CCNJL: variants seen among roughly 807,000 people sequenced by gnomAD.
CCNJL encodes the protein cyclin-J-like protein.
In CCNJL, 33 loss-of-function variants were observed where a neutral mutation model predicts 33.4. The ratio of observed to expected loss-of-function variants is 0.99; its 90% CI spans 0.75 to 1.32. The LOEUF (loss-of-function observed/expected upper bound fraction) is 1.32, where lower values mean the gene tolerates loss of function less well. CCNJL is among the 40% of genes most tolerant of loss of function. The pLI, the probability that CCNJL is intolerant of heterozygous loss-of-function variation, is 0.00. For missense variants in CCNJL, 512 were observed against 499.7 expected (o/e 1.02, Z -0.23); for synonymous variants, 227 against 220.9 (o/e 1.03, Z -0.24).
rs1255295342 is a variant in CCNJL at position 160,250,340 on chromosome 5, A to C, written c.*3038T>G. 6.6e-6 allele frequency: 1 copy of C among 152,232 alleles called. No individual in the cohort carries two copies. The highest frequency in any genetic ancestry group is 1.5e-5 in the Non-Finnish European group (1 of 68,062). 9.4% of individuals were successfully genotyped at this position (152,232 alleles called of 1,614,324 possible). A position where few individuals can be genotyped will look rare whatever the true frequency, so the allele number is the denominator to read the frequency against. On this transcript the variant is annotated 3_prime_UTR_variant, in exon 6 of 6. Transcript: ENST00000257536. ...TTGTCTCTGAATCCCCAAAACTTAG[A>C]GCTTCCTGCCTCACCTAGCCTTGCA...
rs531989803 is a variant in CCNJL, at chr5:160,324,508, A to G, written n.207-9003T>C. 2.0e-5 allele frequency among the ~76,000 whole-genome samples: 3 copies of G among 152,214 alleles called. No homozygotes were observed. The South Asian group carries it at 6.2e-4, about 32-fold the overall frequency. On this transcript the variant is annotated intron_variant and non_coding_transcript_variant, in intron 1 of 7. Transcript: ENST00000377503. ...GAATTGCTTGAACCCAGGAGGTGAAAGTTGCAGTGAGCTGAAATCGTGCCA... is the reference window on the plus strand; with the variant it reads ...GAATTGCTTGAACCCAGGAGGTGAAGGTTGCAGTGAGCTGAAATCGTGCCA...
intron 2 of CCNJL, among the ~76,000 whole-genome samples, chr5:160,304,662 T>G (rs915923867): frequency 6.6e-6 from 1 of 152,080 alleles, no homozygotes; most frequent in African/African-American, 2.4e-5. Flanking sequence ...CACTTTCTTT[T>G]TGGTAGATCT....
intron 3 of CCNJL, among the ~76,000 whole-genome samples, chr5:160,262,679 G>GA (rs887447858): frequency 6.6e-6 from 1 of 152,220 alleles, no homozygotes; most frequent in African/African-American, 2.4e-5. Context: ...GAGGCTCAGA[G>GA]AAAAAGCTGA....
At chr5:160,297,077 C>A (rs570397652) in intron 2 of CCNJL, among the ~76,000 whole-genome samples, 34 of 152,138 alleles carry the variant, frequency 2.2e-4, no homozygotes, top group Non-Finnish European at 4.3e-4. Flanking sequence ...ATGGTAAGCA[C>A]CCATTAAAAG....
At chr5:160,286,567 A>G (rs762419840) in intron 2 of CCNJL, among the ~76,000 whole-genome samples, 5 of 152,102 alleles carry the variant, frequency 3.3e-5, no homozygotes, top group Non-Finnish European at 7.4e-5. Flanking sequence ...GAACCCGGGA[A>G]GCAGAGGTTG....
intron 2 of CCNJL, among the ~76,000 whole-genome samples, chr5:160,306,085 C>T (rs1372906573): frequency 6.6e-6 from 1 of 151,950 alleles, no homozygotes. Flanking sequence ...ACCAGCCTGG[C>T]CAACATGGTG....
At chr5:160,307,389 G>A (rs2113447344) in intron 2 of CCNJL, among the ~76,000 whole-genome samples, 1 of 152,290 alleles carries the variant, frequency 6.6e-6, no homozygotes, top group East Asian at 1.9e-4. Flanking sequence ...AGAGGCTTAA[G>A]GGACAAGGAA....
In CCNJL at chr5:160,280,758, G is replaced by A. The variant is rs763691965; in HGVS notation, c.67-20C>T. 2.9e-5 allele frequency: 45 copies of A among 1,535,382 alleles called. 1 individual carries two copies. In the South Asian group the frequency reaches 5.0e-4, roughly 17 times the overall value. On this transcript the variant is annotated intron_variant, in intron 2 of 5. Transcript: ENST00000257536. ...CAGTTCCTGGAGGACAGGCGGGGCGGAGGGGTGACGGTCAGGGCTGCCTCC... is the reference window on the plus strand; with the variant it reads ...CAGTTCCTGGAGGACAGGCGGGGCGAAGGGGTGACGGTCAGGGCTGCCTCC...
At position 160,253,723 on chromosome 5, in the gene CCNJL, G is replaced by T. The variant is rs760847342; in HGVS notation, c.819C>A (p.Pro273=). The change falls in exon 6 of 6, where the codon CCC becomes CCA. Residue 273 remains proline (P), a synonymous_variant. Transcript: ENST00000257536. Reference sequence around the variant, plus strand: ...GCTGGAACAGCACTTGAGTGGGGGTGGGGGGTGTGCCGGGCACCATTGCCA... The same window carrying T: ...GCTGGAACAGCACTTGAGTGGGGGTTGGGGGTGTGCCGGGCACCATTGCCA... ...QALAMVPGTP[P]TPTQVLFQPP... 10 of 1,582,126 alleles carry T rather than the reference G, an allele frequency of 6.3e-6. No homozygotes were observed. The highest frequency in any genetic ancestry group is 2.7e-5 in the African/African-American group (2 of 74,416).
rs143023300 is a variant in CCNJL, at chr5:160,309,031, G to A, written c.66+2827C>T. On this transcript the variant is annotated intron_variant, in intron 2 of 5. Transcript: ENST00000257536. ...GAGCAATGGCATGGAGGGTAGGGAA[G>A]GGGTAAGAGACAAGGTCAGAGAGCA... Among the ~76,000 whole-genome samples, 286 of 152,316 alleles carry A rather than the reference G, an allele frequency of 1.9e-3. 3 individuals are homozygous for A. The highest frequency in any genetic ancestry group is 6.5e-3 in the African/African-American group (269 of 41,570).
intron 2 of CCNJL, among the ~76,000 whole-genome samples, chr5:160,310,181 G>A (rs754287363): frequency 4.6e-5 from 7 of 152,160 alleles, no homozygotes; most frequent in Non-Finnish European, 8.8e-5. Flanking sequence ...CAATTTCCAC[G>A]GCAGTCCTCA....
chr5:160,272,521 G>A (rs949409890), intron 3 of CCNJL, among the ~76,000 whole-genome samples: 1 of 152,366 alleles, frequency 6.6e-6, no homozygotes, highest in South Asian at 2.1e-4. Flanking sequence ...TCTCGTGGCT[G>A]GGAGCACAGA....
intron 2 of CCNJL, among the ~76,000 whole-genome samples, chr5:160,306,104 C>T (rs993286039): frequency 7.2e-5 from 11 of 151,814 alleles, no homozygotes; most frequent in African/African-American, 2.4e-4. Flanking sequence ...TGAAACCCCG[C>T]CTCTACTAAA....
chr5:160,296,032 T>C (rs146426254), intron 2 of CCNJL, among the ~76,000 whole-genome samples: 1 of 152,298 alleles, frequency 6.6e-6, no homozygotes, highest in African/African-American at 2.4e-5. Context: ...CATCCCCAAT[T>C]GTGTACACAA....
rs149712649 is a variant in CCNJL, at chr5:160,279,935, C to G, written c.280+590G>C. 4.6e-4 allele frequency among the ~76,000 whole-genome samples: 70 copies of G among 152,338 alleles called. 1 individual carries two copies. The highest frequency in any genetic ancestry group is 4.4e-3 in the East Asian group (23 of 5,186). On this transcript the variant is annotated intron_variant, in intron 3 of 5. Coordinates refer to ENST00000257536, the MANE Select transcript of CCNJL (RefSeq NM_001308173.3). ...ACACAGTAATCTCTACCAAGGCAGA[C>G]AGACAGATGGTCAAAGCTACGCTGT... is the stretch of plus-strand genomic sequence containing the variant.
At chr5:160,290,954 A>G (rs772782769) in intron 2 of CCNJL, among the ~76,000 whole-genome samples, 1 of 149,776 alleles carries the variant, frequency 6.7e-6, no homozygotes, top group Non-Finnish European at 1.5e-5. Context: ...CACACCAGTA[A>G]TTGCAACACT....
At chr5:160,328,161 A>G (rs1763563462) in intron 1 of CCNJL, among the ~76,000 whole-genome samples, 1 of 152,216 alleles carries the variant, frequency 6.6e-6, no homozygotes, top group African/African-American at 2.4e-5. Flanking sequence ...GGTGAAGAGG[A>G]AGGCCAGATT....
At chr5:160,334,656 T>C (rs1003836999) in intron 1 of CCNJL, among the ~76,000 whole-genome samples, 1 of 152,340 alleles carries the variant, frequency 6.6e-6, no homozygotes, top group Non-Finnish European at 1.5e-5. Context: ...CCAGAATTGA[T>C]ACTCAGGACC....
At chr5:160,314,653 T>G (rs1257552591), upstream of CCNJL, among the ~76,000 whole-genome samples, 2 of 152,182 alleles carry the variant, frequency 1.3e-5, no homozygotes, top group Non-Finnish European at 2.9e-5. Context: ...AACGACAAAT[T>G]TGAGAAAATA....
Sources: allele counts gnomAD v4.1 joint callset (sites outside exome capture counted in the v4.1 genomes callset), GRCh38; gene constraint gnomAD v4.1.1; transcripts MANE v1.5; gene names NCBI Gene and HGNC (gene_info 2026-07-23, HGNC 2026-07-21).